The following CFAP251 variants were observed in gnomAD, a reference collection of about 807,000 sequenced individuals.
The protein encoded by CFAP251 is cilia- and flagella-associated protein 251.
A neutral mutation model predicts 126.7 loss-of-function variants in CFAP251; 93 were observed. The observed-to-expected ratio is 0.73, with a 90% CI of 0.62 to 0.87. The LOEUF is 0.87. Ranked by LOEUF, CFAP251 falls within the 40% of genes least tolerant of loss-of-function variation. CFAP251 has a pLI of 0.00. For missense variants in CFAP251, 1,287 were observed against 1,389.2 expected (o/e 0.93, Z 1.17); for synonymous variants, 503 against 506.9 (o/e 0.99, Z 0.10).
chr12:121,979,415 C>T (rs892826077), intron 19 of CFAP251, among the ~76,000 whole-genome samples: 3 of 152,086 alleles, frequency 2.0e-5, no homozygotes, highest in African/African-American at 7.2e-5. Flanking sequence ...AGCTCCTGGG[C>T]CCTGCCCAGG....
Position 121,975,268 on chromosome 12 carries a change from TG to T in CFAP251, c.2801del (p.Gly934ValfsTer4), listed in dbSNP as rs758258218. 84 of 1,613,944 alleles carry T rather than the reference TG, an allele frequency of 5.2e-5. No individual in the cohort carries two copies. Among genetic ancestry groups the T allele is most frequent in the Admixed American group, 6.7e-5 (4 of 59,990 alleles). ...LSVLEAAVSL[G>X]GEDLTPFYGL... Reference sequence around the variant, plus strand: ...GTGTCCTGGAGGCAGCGGTTTCTCTTGGGGGTGAAGACTTGACCCCATTCTA... The same window carrying T: ...GTGTCCTGGAGGCAGCGGTTTCTCTTGGGGTGAAGACTTGACCCCATTCTA... On this transcript the variant is annotated frameshift_variant, in exon 18 of 22. Coordinates refer to ENST00000288912, the MANE Select transcript of CFAP251 (RefSeq NM_144668.6). LOFTEE classifies it high-confidence loss of function.
intron 19 of CFAP251, among the ~76,000 whole-genome samples, chr12:121,977,723 A>G (rs1225603278): frequency 2.0e-5 from 3 of 151,464 alleles, no homozygotes; most frequent in African/African-American, 7.3e-5. Context: ...TGGGAGGCCA[A>G]GGCGGGCGGA....
At chr12:122,001,055 CTTTTTTTTTTT>C (rs1177422104) in intron 20 of CFAP251, among the ~76,000 whole-genome samples, 1 of 117,414 alleles carries the variant, frequency 8.5e-6, no homozygotes, top group Non-Finnish European at 1.8e-5. Flanking sequence ...GTTTTTGTTG[CTTTTTTTTTTT>C]TTTTTTTTGA....
rs1242999600 is a variant in CFAP251, at chr12:121,994,500, C to T, written c.3007-5216C>T. On this transcript the variant is annotated intron_variant, in intron 19 of 21. Coordinates refer to ENST00000288912, the MANE Select transcript of CFAP251 (RefSeq NM_144668.6). ...GAACGGGCCAGGATGACAATGGCGG[C>T]TTTGTGGAATAGAAAGGCGGGAAAG... Among the ~76,000 whole-genome samples the T allele has an allele frequency of 1.3e-3, 118 of 92,644 alleles. 1 individual carries two copies. The highest frequency in any genetic ancestry group is 4.9e-3 in the African/African-American group (115 of 23,336). 60.8% of individuals were successfully genotyped at this position (92,644 alleles called of 152,430 possible).
Position 121,960,498 on chromosome 12 carries a change from G to A in CFAP251, c.2134-87G>A, listed in dbSNP as rs908157104. The stretch of plus-strand genomic sequence containing the variant: ...CTCCCAAAGTGCTGGGATTACAGGC[G>A]TGAGCCACCGCGCCTGGCCCATAAT... On this transcript the variant is annotated intron_variant, in intron 13 of 21. Transcript: ENST00000288912. 3.0e-5 allele frequency: 44 copies of A among 1,475,022 alleles called. No individual in the cohort carries two copies. In the Admixed American group the frequency reaches 4.9e-4, roughly 17 times the overall value. 91.4% of individuals were successfully genotyped at this position (1,475,022 alleles called of 1,614,324 possible).
At chr12:121,957,573 G>A (rs1355310277) in intron 11 of CFAP251, among the ~76,000 whole-genome samples, 5 of 149,778 alleles carry the variant, frequency 3.3e-5, no homozygotes, top group African/African-American at 9.8e-5. Flanking sequence ...GCGTGGTGAC[G>A]GGTGCCTGTA....
intron 10 of CFAP251, among the ~76,000 whole-genome samples, chr12:121,955,260 C>G (rs1355571844): frequency 6.6e-6 from 1 of 152,132 alleles, no homozygotes; most frequent in Non-Finnish European, 1.5e-5. Flanking sequence ...CACCACTGCA[C>G]TCCAGTCTGG....
chr12:121,924,381 C>T (rs1412092715), intron 3 of CFAP251, among the ~76,000 whole-genome samples: 1 of 150,042 alleles, frequency 6.7e-6, no homozygotes, highest in Non-Finnish European at 1.5e-5. Flanking sequence ...TCCCAAAGTG[C>T]TGGGATTACA....
At chr12:121,936,048 C>T (rs1303724793) in intron 5 of CFAP251, among the ~76,000 whole-genome samples, 1 of 152,210 alleles carries the variant, frequency 6.6e-6, no homozygotes, top group African/African-American at 2.4e-5. Flanking sequence ...AGGCTGAGCT[C>T]ATCTGTCAGC....
chr12:121,957,304 G>T, intron 11 of CFAP251, 36 bp downstream of exon 11: 1 of 1,565,708 alleles, frequency 6.4e-7, no homozygotes, highest in Non-Finnish European at 8.7e-7. Context: ...TAGAATGGTT[G>T]AAAAATGATC....
At chr12:121,934,540 G>A (rs905233378) in intron 5 of CFAP251, among the ~76,000 whole-genome samples, 184 bp downstream of exon 5, 2 of 152,164 alleles carry the variant, frequency 1.3e-5, no homozygotes, top group African/African-American at 2.4e-5. Flanking sequence ...AACCCAGATG[G>A]CAAATCTGTC....
chr12:122,001,770 G>C, intron 21 of CFAP251, 172 bp downstream of exon 21: 1 of 636,644 alleles, frequency 1.6e-6, no homozygotes. Context: ...ACAGTGAGTG[G>C]TGGCTTTTGT....
chr12:121,928,668 ACG>A (rs1491496514), intron 3 of CFAP251, among the ~76,000 whole-genome samples: 2,716 of 89,026 alleles, frequency 0.031, 115 homozygotes, highest in African/African-American at 0.07. Context: ...GTATATATAT[ACG>A]TATATATATA....
intron 8 of CFAP251, chr12:121,950,680 C>G (rs1374763683): frequency 6.6e-6 from 1 of 151,962 alleles, no homozygotes; most frequent in East Asian, 2.0e-4. Flanking sequence ...GCCTCAGCTT[C>G]CTGGGTAGCT....
intron 8 of CFAP251, chr12:121,951,275 T>G: frequency 2.3e-6 from 1 of 428,146 alleles, no homozygotes; most frequent in Non-Finnish European, 4.2e-6. Context: ...TCATAATCAT[T>G]TGTGGCATTT....
intron 14 of CFAP251, 138 bp downstream of exon 14, chr12:121,960,896 A>AAATG: frequency 1.9e-6 from 2 of 1,062,872 alleles, no homozygotes; most frequent in Non-Finnish European, 2.7e-6. Flanking sequence ...AGGATCACAA[A>AAATG]CCTCTCCAGG....
chr12:121,964,637 GGCTCACGCCCCA>G (rs1478308539), intron 15 of CFAP251, among the ~76,000 whole-genome samples: 22 of 152,218 alleles, frequency 1.4e-4, no homozygotes, highest in Non-Finnish European at 2.8e-4. Flanking sequence ...CGGGCGTGGT[GGCTCACGCCCCA>G]GCATTTGGGA....
intron 17 of CFAP251, among the ~76,000 whole-genome samples, chr12:121,972,689 C>T (rs1050425938): frequency 2.6e-5 from 4 of 152,020 alleles, no homozygotes; most frequent in East Asian, 3.9e-4. Context: ...AGGGTTTCAC[C>T]GTGTTAGCCA....
At chr12:121,973,135 ACT>A (rs1882377662) in intron 17 of CFAP251, among the ~76,000 whole-genome samples, 1 of 152,126 alleles carries the variant, frequency 6.6e-6, no homozygotes, top group Non-Finnish European at 1.5e-5. Flanking sequence ...CTGCCTAGGG[ACT>A]TGGTGCCCGG....
Sources: allele counts gnomAD v4.1 joint callset (sites outside exome capture counted in the v4.1 genomes callset), GRCh38; gene constraint gnomAD v4.1.1; transcripts MANE v1.5; gene names NCBI Gene and HGNC (gene_info 2026-07-23, HGNC 2026-07-21).